NTRK2: variants seen among roughly 807,000 people sequenced by gnomAD.
NTRK2 encodes the protein neurotrophic receptor tyrosine kinase 2, also known as BDNF/NT-3 growth factors receptor.
Under a neutral mutation model 94.5 loss-of-function variants are expected in NTRK2, and 13 were observed. The ratio of observed to expected loss-of-function variants is 0.14; its 90% CI spans 0.09 to 0.22. The LOEUF (loss-of-function observed/expected upper bound fraction) is 0.22. Ranked by LOEUF, NTRK2 falls within the 10% of genes least tolerant of loss-of-function variation. The pLI, the probability that NTRK2 is intolerant of heterozygous loss-of-function variation, is 1.00. For synonymous variants in NTRK2, 372 were observed against 407.4 expected (o/e 0.91, Z 1.05); for missense variants, 639 against 1,071.2 (o/e 0.60, Z 5.63).
At chr9:84,678,083 G>A (rs976965876) in intron 2 of NTRK2, among the ~76,000 whole-genome samples, 14 of 152,142 alleles carry the variant, frequency 9.2e-5, no homozygotes, top group Admixed American at 1.3e-4. Context: ...TGTGTGTACC[G>A]TGTTTTCATC....
intron 17 of NTRK2, among the ~76,000 whole-genome samples, chr9:84,998,214 G>A (rs1335374793): frequency 1.3e-5 from 2 of 152,184 alleles, no homozygotes; most frequent in East Asian, 3.9e-4. Flanking sequence ...GCACAAGCAA[G>A]CAGTCAATCA....
At chr9:84,706,527 G>GTTTTTTTTTTTT (rs71369141) in intron 4 of NTRK2, among the ~76,000 whole-genome samples, 1 of 81,676 alleles carries the variant, frequency 1.2e-5, no homozygotes, top group Non-Finnish European at 2.1e-5. Context: ...TTTTGTTTTT[G>GTTTTTTTTTTTT]TTTTTTTTTT....
intron 14 of NTRK2, among the ~76,000 whole-genome samples, chr9:84,898,813 C>G (rs1045962783): frequency 6.6e-6 from 1 of 152,130 alleles, no homozygotes; most frequent in Non-Finnish European, 1.5e-5. Flanking sequence ...AGTGATTCTC[C>G]TGCCTCAGCC....
intron 9 of NTRK2, among the ~76,000 whole-genome samples, chr9:84,729,110 C>T (rs575491714): frequency 6.6e-6 from 1 of 152,294 alleles, no homozygotes; most frequent in Non-Finnish European, 1.5e-5. Context: ...CCCAGGGCCC[C>T]CCCACCAGCA....
Position 84,883,728 on chromosome 9 carries a change from A to G in NTRK2, c.1633+16297A>G, listed in dbSNP as rs2076333174. Among the ~76,000 whole-genome samples the G allele has an allele frequency of 2.0e-5, 3 of 152,344 alleles. No homozygotes were observed. In the South Asian group the frequency reaches 6.2e-4, roughly 32 times the overall value. ...AAAACTCCTAAGCTTAACTATTTGA[A>G]AAGGATTGGCAATTTTTTTAATCTA... On this transcript the variant is annotated intron_variant, in intron 14 of 18. Transcript: ENST00000277120.
intron 12 of NTRK2, among the ~76,000 whole-genome samples, chr9:84,784,739 G>A (rs910948449): frequency 1.3e-5 from 2 of 152,136 alleles, no homozygotes; most frequent in Admixed American, 6.6e-5. Flanking sequence ...GAGGGGGTGA[G>A]GGCAGAAGAT....
intron 12 of NTRK2, among the ~76,000 whole-genome samples, chr9:84,857,640 T>C (rs2075130513): frequency 6.6e-6 from 1 of 152,210 alleles, no homozygotes; most frequent in South Asian, 2.1e-4. Context: ...GAAGATTGTA[T>C]TCTCTCCTAC....
intron 12 of NTRK2, among the ~76,000 whole-genome samples, chr9:84,790,130 A>C (rs994195832): frequency 6.6e-6 from 1 of 152,186 alleles, no homozygotes; most frequent in African/African-American, 2.4e-5. Flanking sequence ...TAAGTGGTCT[A>C]TATGCCAGTA....
chr9:84,836,951 AT>A (rs1417404504), intron 12 of NTRK2, among the ~76,000 whole-genome samples: 1 of 144,490 alleles, frequency 6.9e-6, no homozygotes, highest in African/African-American at 2.5e-5. Flanking sequence ...ATAATATAAT[AT>A]AATATAATAT....
chr9:84,963,907 C>G (rs1010917549), intron 17 of NTRK2, among the ~76,000 whole-genome samples: 6 of 152,168 alleles, frequency 3.9e-5, no homozygotes, highest in African/African-American at 1.4e-4. Context: ...GTCTCCATTT[C>G]ACACTTTGCA....
intron 14 of NTRK2, among the ~76,000 whole-genome samples, chr9:84,897,387 A>G (rs113512072): frequency 0.063 from 9,544 of 152,226 alleles, 888 homozygotes; most frequent in African/African-American, 0.2. Flanking sequence ...TGCCTGCCTC[A>G]GCCTCCCAAA....
chr9:84,777,387 C>T (rs1434810558), intron 12 of NTRK2, among the ~76,000 whole-genome samples: 6 of 152,156 alleles, frequency 3.9e-5, no homozygotes, highest in African/African-American at 1.4e-4. Flanking sequence ...TTTTCTAATA[C>T]AGTAGTCTTG....
Position 84,670,382 on chromosome 9 carries a change from A to T in NTRK2, c.-367A>T, listed in dbSNP as rs1159011731. ...GCGTGTCTGTTTGTCCTCAGCCTCGAGGTGCATACCGGACCCCCATTCGCA... is the reference window on the plus strand; with the variant it reads ...GCGTGTCTGTTTGTCCTCAGCCTCGTGGTGCATACCGGACCCCCATTCGCA... On this transcript the variant is annotated 5_prime_UTR_variant, in exon 2 of 19. Coordinates refer to ENST00000277120, the MANE Select transcript of NTRK2 (RefSeq NM_006180.6). The T allele has an allele frequency of 2.5e-6, 1 of 395,510 alleles. No individual in the cohort carries two copies. Among genetic ancestry groups the T allele is most frequent in the Non-Finnish European group, 4.6e-6 (1 of 215,552 alleles). 24.5% of individuals were successfully genotyped at this position (395,510 alleles called of 1,614,324 possible). A position where few individuals can be genotyped will look rare whatever the true frequency, so the allele number is the denominator to read the frequency against.
At chr9:84,670,222 G>A (rs1030447997) in intron 1 of NTRK2, among the ~76,000 whole-genome samples, 155 bp from the exon 2 acceptor site, 1 of 152,132 alleles carries the variant, frequency 6.6e-6, no homozygotes, top group African/African-American at 2.4e-5. Context: ...CCATCGCGGG[G>A]CAAGTTGATT....
intron 12 of NTRK2, among the ~76,000 whole-genome samples, chr9:84,764,204 C>A (rs1466211330): frequency 6.6e-6 from 1 of 152,138 alleles, no homozygotes; most frequent in Non-Finnish European, 1.5e-5. Flanking sequence ...CAGATCTTTT[C>A]TTTATAAATA....
chr9:84,955,355 G>T lies in NTRK2; in HGVS notation c.2010G>T (p.Leu670=), dbSNP rs199924901. The T allele has an allele frequency of 5.9e-5, 95 of 1,613,418 alleles. No individual in the cohort carries two copies. Among genetic ancestry groups the T allele is most frequent in the Non-Finnish European group, 7.5e-5 (89 of 1,179,754 alleles). Residue 670 remains leucine, a synonymous_variant, in exon 17 of 19, where the codon CTG becomes CTT. Transcript: ENST00000277120. ...CGGAACTGACGCAGTCGCAGATGCT[G>T]CATATAGCCCAGCAGATCGCCGCGG... ...PPTELTQSQM[L]HIAQQIAAGM...
At chr9:84,679,720 A>T (rs2131378000) in intron 2 of NTRK2, among the ~76,000 whole-genome samples, 1 of 152,200 alleles carries the variant, frequency 6.6e-6, no homozygotes, top group East Asian at 1.9e-4. Context: ...TCAAGAATTC[A>T]CCATTGCCTT....
At chr9:84,956,423 A>G (rs1366728449) in intron 17 of NTRK2, among the ~76,000 whole-genome samples, 1 of 152,190 alleles carries the variant, frequency 6.6e-6, no homozygotes, top group Non-Finnish European at 1.5e-5. Flanking sequence ...CATGAGAGAA[A>G]AGGGAATTTC....
chr9:84,959,483 T>C (rs1167526729), intron 17 of NTRK2, among the ~76,000 whole-genome samples: 1 of 152,180 alleles, frequency 6.6e-6, no homozygotes. Flanking sequence ...CTCTGTGCAA[T>C]TCATGGCAGG....
Sources: allele counts gnomAD v4.1 joint callset (sites outside exome capture counted in the v4.1 genomes callset), GRCh38; gene constraint gnomAD v4.1.1; transcripts MANE v1.5; gene names NCBI Gene and HGNC (gene_info 2026-07-23, HGNC 2026-07-21).